The following TMX1 variants were observed in gnomAD, a reference collection of about 807,000 sequenced individuals.
TMX1 encodes thioredoxin related transmembrane protein 1.
TMX1 carries 25 observed loss-of-function variants against 36.6 expected under a neutral mutation model. The observed-to-expected ratio is 0.68, with a 90% CI of 0.50 to 0.95. TMX1 has a LOEUF of 0.95. Among genes scored for constraint, TMX1 ranks in the 40% least tolerant of loss-of-function variants. The probability of loss-of-function intolerance (pLI) is 0.00; values close to 1 mark genes in which losing one functional copy is unlikely to be tolerated. For missense variants in TMX1, 347 were observed against 339.6 expected (o/e 1.02, Z -0.17); for synonymous variants, 133 against 118.0 (o/e 1.13, Z -0.82).
chr14:51,249,122 A>G (rs541187887), intron 4 of TMX1, among the ~76,000 whole-genome samples: 4 of 152,208 alleles, frequency 2.6e-5, no homozygotes, highest in Non-Finnish European at 5.9e-5. Flanking sequence ...ATTTTTATTT[A>G]TGAGGCTGTC....
chr14:51,246,728 A>G (rs1304539047), intron 3 of TMX1, among the ~76,000 whole-genome samples: 3 of 152,238 alleles, frequency 2.0e-5, no homozygotes, highest in African/African-American at 7.2e-5. Context: ...AACAGCTAAT[A>G]ATTACTATGT....
chr14:51,241,140 A>G (rs1348499327), intron 1 of TMX1, among the ~76,000 whole-genome samples: 1 of 152,140 alleles, frequency 6.6e-6, no homozygotes, highest in African/African-American at 2.4e-5. Flanking sequence ...ATGGTATTAC[A>G]TTAAAAGATA....
chr14:51,249,419 T>G, intron 5 of TMX1, 48 bp downstream of exon 5: 1 of 1,591,056 alleles, frequency 6.3e-7, no homozygotes, highest in East Asian at 2.2e-5. Flanking sequence ...CACTATCACT[T>G]TAACAAAAAT....
In TMX1 at chr14:51,254,667, A is replaced by AT; in HGVS notation, c.*149dup. ...AAATTGAAGAGTCTACATTCAGAACATAAAAGCACTAGGTATACAAGTTTG... is the reference window on the plus strand; with the variant it reads ...AAATTGAAGAGTCTACATTCAGAACATTAAAAGCACTAGGTATACAAGTTTG... On this transcript the variant is annotated 3_prime_UTR_variant, in exon 8 of 8. Coordinates refer to ENST00000457354, the MANE Select transcript of TMX1 (RefSeq NM_030755.5). 4.7e-6 allele frequency: 3 copies of AT among 640,100 alleles called. No individual in the cohort carries two copies. Among genetic ancestry groups the AT allele is most frequent in the Non-Finnish European group, 7.6e-6 (3 of 393,552 alleles). The allele number at this position is 640,100 out of a possible 1,614,324, so 39.7% of individuals were successfully genotyped here. A position where few individuals can be genotyped will look rare whatever the true frequency, so the allele number is the denominator to read the frequency against.
chr14:51,248,848 C>A (rs3924306), intron 4 of TMX1, among the ~76,000 whole-genome samples: 109,864 of 152,100 alleles, frequency 0.72, 39,960 homozygotes, highest in Non-Finnish European at 0.77. Flanking sequence ...CAAACTAATG[C>A]TCTTGTAAAT....
intron 3 of TMX1, among the ~76,000 whole-genome samples, chr14:51,246,619 A>G (rs4526926): frequency 0.97 from 147,186 of 152,298 alleles, 71,270 homozygotes; most frequent in Non-Finnish European, 1. Flanking sequence ...GGGAAGCACC[A>G]TACCAGATGC....
In TMX1 at chr14:51,247,178, G is replaced by A. The variant is rs2065789541; in HGVS notation, c.401G>A (p.Ser134Asn). Reference protein sequence around the residue: ...INFISDKEWKSIEPVSSWFGP... With the variant: ...INFISDKEWKNIEPVSSWFGP... ...TTTATAAGTGATAAAGAGTGGAAGA[G>A]TATTGAGCCCGTTTCATCATGGTTT... is the stretch of plus-strand genomic sequence containing the variant. Residue 134 changes from serine (S) to asparagine (N), a missense_variant, in exon 4 of 8, where the codon AGT (serine) becomes AAT (asparagine). Ser to Asn is a conservative substitution (Grantham distance 46, BLOSUM62 1). Transcript: ENST00000457354. 3.7e-6 allele frequency: 6 copies of A among 1,613,422 alleles called. No homozygotes were observed. Among genetic ancestry groups the A allele is most frequent in the Middle Eastern group, 3.3e-4 (2 of 5,982 alleles).
In TMX1 at chr14:51,247,188, C is replaced by T. The variant is rs199560510; in HGVS notation, c.411C>T (p.Pro137=). 58 of 1,613,002 alleles carry T rather than the reference C, an allele frequency of 3.6e-5. No individual in the cohort carries two copies. The highest frequency in any genetic ancestry group is 4.5e-5 in the Non-Finnish European group (53 of 1,179,604). The change falls in exon 4 of 8, where the codon CCC becomes CCT. Residue 137 remains proline (P), a synonymous_variant. Transcript: ENST00000457354. The stretch of plus-strand genomic sequence containing the variant: ...ATAAAGAGTGGAAGAGTATTGAGCC[C>T]GTTTCATCATGGTTTGGTCCAGGTT... ...ISDKEWKSIE[P]VSSWFGPGSV...
intron 1 of TMX1, 87 bp downstream of exon 1, chr14:51,240,531 C>T (rs1395175450): frequency 2.2e-5 from 33 of 1,495,100 alleles, no homozygotes; most frequent in Non-Finnish European, 2.7e-5. Flanking sequence ...GCAGGCTCCC[C>T]AGGACTGCGC....
chr14:51,249,220 C>A, intron 4 of TMX1, 106 bp from the exon 5 acceptor site: 2 of 888,768 alleles, frequency 2.3e-6, no homozygotes, highest in Non-Finnish European at 3.4e-6. Flanking sequence ...TCTTGATTAA[C>A]AGCAATAAAA....
chr14:51,248,732 C>T (rs949122298), intron 4 of TMX1, among the ~76,000 whole-genome samples: 4 of 152,130 alleles, frequency 2.6e-5, no homozygotes, highest in Non-Finnish European at 4.4e-5. Context: ...CTGAAACATG[C>T]CTTTTTAAAA....
In TMX1 at chr14:51,249,420, T is replaced by G. The variant is rs368510666; in HGVS notation, c.490-48T>G. On this transcript the variant is annotated intron_variant, in intron 5 of 7. Transcript: ENST00000457354. ...TTAAACATTTTTACCACTATCACTT[T>G]AACAAAAATGAACAGATTTTTAGTT... The G allele has an allele frequency of 8.2e-6, 13 of 1,590,714 alleles. No homozygotes were observed. The African/African-American group carries it at 1.7e-4, about 20-fold the overall frequency.
At position 51,247,164 on chromosome 14, in the gene TMX1, T is replaced by C; in HGVS notation, c.387T>C (p.Asp129=). 2 of 1,613,540 alleles carry C rather than the reference T, an allele frequency of 1.2e-6. No individual in the cohort carries two copies. The highest frequency in any genetic ancestry group is 1.1e-5 in the South Asian group (1 of 91,050). ...AGGACTTCATAAACTTTATAAGTGA[T>C]AAAGAGTGGAAGAGTATTGAGCCCG... The part of the protein sequence containing the change: ...TKKDFINFIS[D]KEWKSIEPVS... The change falls in exon 4 of 8, where the codon GAT becomes GAC. Residue 129 remains aspartate, a synonymous_variant. Coordinates refer to ENST00000457354, the MANE Select transcript of TMX1 (RefSeq NM_030755.5).
At chr14:51,244,949 G>T (rs1246970286) in intron 2 of TMX1, among the ~76,000 whole-genome samples, 2 of 152,116 alleles carry the variant, frequency 1.3e-5, no homozygotes, top group African/African-American at 4.8e-5. Flanking sequence ...TGAATGTCAA[G>T]TACAATTCCA....
intron 1 of TMX1, among the ~76,000 whole-genome samples, chr14:51,240,794 T>TA (rs2065757246): frequency 6.6e-6 from 1 of 152,182 alleles, no homozygotes; most frequent in Admixed American, 6.5e-5. Flanking sequence ...TCTAAGTAGT[T>TA]AAAGTGATTC....
intron 7 of TMX1, 104 bp downstream of exon 7, chr14:51,249,869 A>T (rs1242438025): frequency 3.6e-6 from 3 of 836,084 alleles, no homozygotes; most frequent in South Asian, 1.9e-5. Flanking sequence ...TTAGAATTCT[A>T]ACTGTGGATT....
chr14:51,247,300 C>T, intron 4 of TMX1, 80 bp downstream of exon 4: 1 of 1,427,016 alleles, frequency 7.0e-7, no homozygotes, highest in Non-Finnish European at 9.4e-7. Context: ...AGCATTCATA[C>T]TCAGTTTGTT....
chr14:51,242,587 G>A (rs1596403755), intron 1 of TMX1, among the ~76,000 whole-genome samples: 1 of 152,052 alleles, frequency 6.6e-6, no homozygotes, highest in African/African-American at 2.4e-5. Flanking sequence ...CTGACAGCCT[G>A]GGCAACATGG....
At chr14:51,246,588 T>C (rs904215810) in intron 3 of TMX1, among the ~76,000 whole-genome samples, 2 of 152,134 alleles carry the variant, frequency 1.3e-5, no homozygotes, top group Admixed American at 1.3e-4. Flanking sequence ...GCTCACTAAA[T>C]AGTCACTGAA....
Sources: allele counts gnomAD v4.1 joint callset (sites outside exome capture counted in the v4.1 genomes callset), GRCh38; gene constraint gnomAD v4.1.1; transcripts MANE v1.5; gene names NCBI Gene and HGNC (gene_info 2026-07-23, HGNC 2026-07-21).